RBMS3: variants seen among roughly 807,000 people sequenced by gnomAD.
RBMS3 encodes RNA-binding motif, single-stranded-interacting protein 3.
Under a neutral mutation model 66.8 loss-of-function variants are expected in RBMS3, and 27 were observed. The observed-to-expected ratio is 0.40, with a 90% CI of 0.30 to 0.56. RBMS3 has a LOEUF of 0.56. Ranked by LOEUF, RBMS3 falls within the 20% of genes least tolerant of loss-of-function variation. The pLI, the probability that RBMS3 is intolerant of heterozygous loss-of-function variation, is 0.40. For synonymous variants in RBMS3, 188 were observed against 183.0 expected, an observed-to-expected ratio of 1.03 and a Z score of -0.22; for missense variants, 513 against 549.5, an observed-to-expected ratio of 0.93 and a Z score of 0.66.
chr3:29,382,177 G>A lies in RBMS3; in HGVS notation c.76-52566G>A, dbSNP rs1415543257. Among the ~76,000 whole-genome samples, 3 of 152,082 alleles carry A rather than the reference G, an allele frequency of 2.0e-5. No individual in the cohort carries two copies. In the East Asian group the frequency reaches 5.8e-4, roughly 29 times the overall value. ...CAAGGCAAACATGGAGGTAAAATGT[G>A]GAATTTTTGAAAGACGTTTAGTTCC... is the stretch of plus-strand genomic sequence containing the variant. On this transcript the variant is annotated intron_variant, in intron 1 of 14. Coordinates refer to ENST00000383767, the MANE Select transcript of RBMS3 (RefSeq NM_001003793.3).
chr3:29,413,167 G>A (rs746077363), intron 1 of RBMS3, among the ~76,000 whole-genome samples: 2 of 152,084 alleles, frequency 1.3e-5, no homozygotes, highest in Non-Finnish European at 2.9e-5. Flanking sequence ...TCAGGAATTC[G>A]AGACCAGCCT....
intron 4 of RBMS3, among the ~76,000 whole-genome samples, chr3:29,650,841 C>A (rs2050120239): frequency 1.3e-5 from 2 of 152,146 alleles, no homozygotes; most frequent in Non-Finnish European, 2.9e-5. Flanking sequence ...CTTCAACCAT[C>A]TATTTGTATG....
chr3:29,380,979 C>T (rs2038736141), intron 1 of RBMS3, among the ~76,000 whole-genome samples: 1 of 152,122 alleles, frequency 6.6e-6, no homozygotes, highest in Non-Finnish European at 1.5e-5. Flanking sequence ...ACATGCTGTG[C>T]CACCGTAGAT....
intron 4 of RBMS3, among the ~76,000 whole-genome samples, chr3:29,709,170 T>C (rs1283828979): frequency 6.6e-6 from 1 of 152,082 alleles, no homozygotes; most frequent in African/African-American, 2.4e-5. Context: ...CCCTCTAAAC[T>C]CTGTCTCAGG....
intron 1 of RBMS3, among the ~76,000 whole-genome samples, chr3:29,416,308 C>T (rs181856459): frequency 6.6e-6 from 1 of 151,982 alleles, no homozygotes; most frequent in Admixed American, 6.6e-5. Context: ...CCCTCCTTTT[C>T]CCCAACCTCT....
In RBMS3 at chr3:29,912,954, C is replaced by T. The variant is rs118013282; in HGVS notation, c.939+13199C>T. On this transcript the variant is annotated intron_variant, in intron 10 of 14. Coordinates refer to ENST00000383767, the MANE Select transcript of RBMS3 (RefSeq NM_001003793.3). ...TTAATAAATGTCTTCAAAGCTCTCA[C>T]AGGAGCCCAAGCATGTACACAGTTG... Among the ~76,000 whole-genome samples, 28 of 152,050 alleles carry T rather than the reference C, an allele frequency of 1.8e-4. No individual in the cohort carries two copies. In the East Asian group the frequency reaches 5.0e-3, roughly 27 times the overall value.
intron 1 of RBMS3, among the ~76,000 whole-genome samples, chr3:29,348,570 T>C (rs2036718467): frequency 8.7e-6 from 1 of 114,326 alleles, no homozygotes; most frequent in Non-Finnish European, 2.0e-5. Context: ...CTTCTCTCTG[T>C]TAAAAAAAAA....
At chr3:29,925,829 A>G (rs1408853628) in intron 10 of RBMS3, among the ~76,000 whole-genome samples, 1 of 152,218 alleles carries the variant, frequency 6.6e-6, no homozygotes, top group Non-Finnish European at 1.5e-5. Context: ...TTAAGAAACA[A>G]GGTAGTAGAG....
chr3:29,501,286 A>T (rs866424546), intron 3 of RBMS3, among the ~76,000 whole-genome samples: 1 of 152,200 alleles, frequency 6.6e-6, no homozygotes, highest in Admixed American at 6.6e-5. Flanking sequence ...AACTAAGTAC[A>T]TTCCTTTATG....
At chr3:29,848,282 C>A (rs146831557) in intron 6 of RBMS3, among the ~76,000 whole-genome samples, 1 of 152,290 alleles carries the variant, frequency 6.6e-6, no homozygotes, top group East Asian at 1.9e-4. Context: ...TGCCATAAGT[C>A]ATTTTTCTTC....
chr3:29,981,646 G>A (rs1010230384), intron 12 of RBMS3, among the ~76,000 whole-genome samples: 2 of 152,144 alleles, frequency 1.3e-5, no homozygotes, highest in Non-Finnish European at 1.5e-5. Context: ...AAGGGCTATT[G>A]AATTTTGTTG....
At chr3:29,329,707 A>C (rs905072538) in intron 1 of RBMS3, among the ~76,000 whole-genome samples, 1 of 151,664 alleles carries the variant, frequency 6.6e-6, no homozygotes, top group Non-Finnish European at 1.5e-5. Context: ...ATGCATATTT[A>C]AGCACAGTTC....
At chr3:29,943,225 T>G (rs193266047) in intron 11 of RBMS3, among the ~76,000 whole-genome samples, 12 of 151,974 alleles carry the variant, frequency 7.9e-5, no homozygotes, top group Admixed American at 7.9e-4. Flanking sequence ...ATAAAGGTCA[T>G]ATAAATGGAA....
At chr3:29,357,313 CT>C (rs1228140078) in intron 1 of RBMS3, among the ~76,000 whole-genome samples, 1 of 152,028 alleles carries the variant, frequency 6.6e-6, no homozygotes, top group East Asian at 1.9e-4. Context: ...GTTTTTTGTC[CT>C]TGTGATAGTT....
chr3:29,621,766 CAGAAAAAAAAGGATGAA>C (rs2048872452), intron 4 of RBMS3, among the ~76,000 whole-genome samples: 1 of 144,300 alleles, frequency 6.9e-6, no homozygotes, highest in African/African-American at 2.6e-5. Context: ...ATTTAAACAA[CAGAAAAAAAAGGATGAA>C]AGAAAAAAAA....
At chr3:29,555,894 C>G (rs2046344501) in intron 3 of RBMS3, among the ~76,000 whole-genome samples, 3 of 152,048 alleles carry the variant, frequency 2.0e-5, no homozygotes, top group African/African-American at 7.2e-5. Flanking sequence ...AAAGCTTTTT[C>G]AGAACTAATG....
intron 2 of RBMS3, among the ~76,000 whole-genome samples, chr3:29,448,335 A>C (rs1349053932): frequency 6.6e-6 from 1 of 152,110 alleles, no homozygotes; most frequent in African/African-American, 2.4e-5. Flanking sequence ...AATGAATGAC[A>C]CCTCTGAGGA....
At chr3:29,835,722 G>C (rs2058488153) in intron 6 of RBMS3, among the ~76,000 whole-genome samples, 1 of 151,528 alleles carries the variant, frequency 6.6e-6, no homozygotes, top group Non-Finnish European at 1.5e-5. Context: ...CAATGAACTA[G>C]AAACATAACA....
At chr3:29,700,802 G>A (rs2052532839) in intron 4 of RBMS3, among the ~76,000 whole-genome samples, 1 of 152,036 alleles carries the variant, frequency 6.6e-6, no homozygotes, top group Admixed American at 6.6e-5. Context: ...TTTAAAAAAA[G>A]AGAAATTAGA....
Sources: allele counts gnomAD v4.1 joint callset (sites outside exome capture counted in the v4.1 genomes callset), GRCh38; gene constraint gnomAD v4.1.1; transcripts MANE v1.5; gene names NCBI Gene and HGNC (gene_info 2026-07-23, HGNC 2026-07-21).